SGCZ: variants seen among roughly 807,000 people sequenced by gnomAD.
SGCZ encodes the protein sarcoglycan zeta, also known as zeta-sarcoglycan.
In SGCZ, 40 loss-of-function variants were observed where a neutral mutation model predicts 41.3. The ratio of observed to expected loss-of-function variants is 0.97; its 90% CI spans 0.75 to 1.26. The LOEUF (loss-of-function observed/expected upper bound fraction) is 1.26, where lower values mean the gene tolerates loss of function less well. Ranked by LOEUF, SGCZ falls within the 50% of genes most tolerant of loss-of-function variation. The probability of loss-of-function intolerance (pLI) is 0.00; values close to 1 mark genes in which losing one functional copy is unlikely to be tolerated. For synonymous variants in SGCZ, 206 were observed against 137.5 expected (o/e 1.50, Z -3.49); for missense variants, 552 against 369.8 (o/e 1.49, Z -4.04).
intron 2 of SGCZ, among the ~76,000 whole-genome samples, chr8:14,410,068 C>G (rs1799317952): frequency 6.6e-6 from 1 of 152,050 alleles, no homozygotes; most frequent in Non-Finnish European, 1.5e-5. Flanking sequence ...AGCTCCGCCT[C>G]CAGTAAGACC....
chr8:14,905,329 A>T (rs373970186), intron 1 of SGCZ, among the ~76,000 whole-genome samples: 44 of 152,154 alleles, frequency 2.9e-4, no homozygotes, highest in African/African-American at 1.0e-3. Flanking sequence ...AATGGTAGGG[A>T]TATTTCACCT....
intron 2 of SGCZ, among the ~76,000 whole-genome samples, chr8:14,514,807 GTGTGTGTATA>G (rs1324005581): frequency 3.7e-4 from 23 of 62,440 alleles, no homozygotes; most frequent in African/African-American, 1.4e-3. Flanking sequence ...GTGTGTGTGT[GTGTGTGTATA>G]TATACACGCA....
At chr8:14,782,827 A>C (rs1800631950) in intron 1 of SGCZ, among the ~76,000 whole-genome samples, 1 of 152,230 alleles carries the variant, frequency 6.6e-6, no homozygotes, top group Admixed American at 6.5e-5. Context: ...GGCATATTGC[A>C]GATCTCAGAG....
chr8:15,005,231 T>G (rs1183834171), intron 1 of SGCZ, among the ~76,000 whole-genome samples: 1 of 152,044 alleles, frequency 6.6e-6, no homozygotes, highest in Non-Finnish European at 1.5e-5. Flanking sequence ...AAGGCACCAT[T>G]TAGCACCATC....
At chr8:14,187,170 A>G (rs1038046804) in intron 4 of SGCZ, among the ~76,000 whole-genome samples, 2 of 152,206 alleles carry the variant, frequency 1.3e-5, no homozygotes, top group African/African-American at 2.4e-5. Flanking sequence ...ACTTTAATAA[A>G]TTAATCCAGT....
intron 1 of SGCZ, among the ~76,000 whole-genome samples, chr8:15,142,563 G>A (rs1463961438): frequency 5.3e-5 from 8 of 152,002 alleles, no homozygotes; most frequent in Non-Finnish European, 1.5e-5. Flanking sequence ...CTGGGCAAGA[G>A]ACATCATGTA....
intron 1 of SGCZ, among the ~76,000 whole-genome samples, chr8:14,683,765 T>C (rs549804768): frequency 7.9e-5 from 12 of 152,150 alleles, no homozygotes; most frequent in Non-Finnish European, 1.6e-4. Context: ...AATATTGCCA[T>C]CATTCTTGTA....
intron 4 of SGCZ, among the ~76,000 whole-genome samples, chr8:14,217,192 A>T (rs569483315): frequency 6.9e-6 from 1 of 145,034 alleles, no homozygotes; most frequent in South Asian, 2.3e-4. Context: ...GCTATTTGGG[A>T]GGCTGAGGCA....
chr8:15,054,209 A>G (rs1248809281), intron 1 of SGCZ, among the ~76,000 whole-genome samples: 1 of 152,232 alleles, frequency 6.6e-6, no homozygotes, highest in Non-Finnish European at 1.5e-5. Flanking sequence ...GCTTATTTTC[A>G]AAATCATCTC....
intron 5 of SGCZ, among the ~76,000 whole-genome samples, chr8:14,149,659 A>AC (rs1316692780): frequency 6.6e-6 from 1 of 151,214 alleles, no homozygotes; most frequent in Non-Finnish European, 1.5e-5. Flanking sequence ...TTCATAGGAA[A>AC]AAAAAAAAAA....
At chr8:14,623,517 GA>G (rs1186647415) in intron 1 of SGCZ, among the ~76,000 whole-genome samples, 7 of 152,148 alleles carry the variant, frequency 4.6e-5, no homozygotes, top group East Asian at 3.9e-4. Context: ...GACAGGAGGG[GA>G]AAAAATTACT....
At chr8:15,056,410 G>C (rs1188414101) in intron 1 of SGCZ, among the ~76,000 whole-genome samples, 2 of 152,078 alleles carry the variant, frequency 1.3e-5, no homozygotes, top group Non-Finnish European at 2.9e-5. Context: ...CATGGAAACA[G>C]GAACTCTTAC....
chr8:14,353,174 C>CAAGAATA (rs113608932), intron 2 of SGCZ, among the ~76,000 whole-genome samples: 12,517 of 152,046 alleles, frequency 0.082, 1,546 homozygotes, highest in African/African-American at 0.27. Flanking sequence ...AAAATACCAT[C>CAAGAATA]TGTTCCTCTT....
intron 1 of SGCZ, among the ~76,000 whole-genome samples, chr8:14,711,584 A>T (rs1809517663): frequency 7.1e-6 from 1 of 140,550 alleles, no homozygotes; most frequent in South Asian, 2.5e-4. Context: ...CCCAGGAGAC[A>T]GAGTGAGACT....
intron 1 of SGCZ, among the ~76,000 whole-genome samples, chr8:14,800,677 G>A (rs1801293687): frequency 6.6e-6 from 1 of 152,106 alleles, no homozygotes; most frequent in Non-Finnish European, 1.5e-5. Flanking sequence ...GACGTGCTTT[G>A]CTTCCCTTTC....
chr8:14,724,103 C>G (rs966635938), intron 1 of SGCZ, among the ~76,000 whole-genome samples: 1 of 151,974 alleles, frequency 6.6e-6, no homozygotes, highest in Non-Finnish European at 1.5e-5. Flanking sequence ...TGATGTAAAA[C>G]TAGTGTATGA....
intron 1 of SGCZ, among the ~76,000 whole-genome samples, chr8:15,211,096 T>TATAGATAGATATAGATATAGATAC (rs1563186266): frequency 6.6e-6 from 1 of 150,650 alleles, no homozygotes; most frequent in African/African-American, 2.4e-5. Flanking sequence ...GATATAGATA[T>TATAGATAGATATAGATATAGATAC]ATATAGCTAT....
At chr8:14,692,565 C>G (rs1808832698) in intron 1 of SGCZ, among the ~76,000 whole-genome samples, 1 of 152,098 alleles carries the variant, frequency 6.6e-6, no homozygotes, top group Non-Finnish European at 1.5e-5. Context: ...GGCATATTTT[C>G]CTCTGATCCT....
intron 5 of SGCZ, among the ~76,000 whole-genome samples, chr8:14,123,577 A>G (rs1274183185): frequency 3.9e-5 from 6 of 152,188 alleles, no homozygotes; most frequent in Non-Finnish European, 8.8e-5. Flanking sequence ...TATATACTCC[A>G]TCTTCTGAAT....
Sources: gnomAD v4.1 joint callset for allele counts (sites outside exome capture counted in the v4.1 genomes callset) on GRCh38, gnomAD v4.1.1 for gene constraint, MANE v1.5 for transcripts, NCBI Gene and HGNC (gene_info 2026-07-23, HGNC 2026-07-21) for gene names.